The following CUL7 variants were observed in gnomAD, a reference collection of about 807,000 sequenced individuals.
The protein encoded by CUL7 is cullin-7.
In CUL7, 96 loss-of-function variants were observed where a neutral mutation model predicts 177.7. That is an observed-to-expected ratio of 0.54 (90% CI 0.46 to 0.64). CUL7 has a LOEUF of 0.64. Ranked by LOEUF, CUL7 falls within the 30% of genes least tolerant of loss-of-function variation. The pLI is 0.00. For missense variants in CUL7, 1,893 were observed against 2,187.9 expected (o/e 0.87, Z 2.69); for synonymous variants, 824 against 890.2 (o/e 0.93, Z 1.32).
Position 43,040,689 on chromosome 6 carries a change from C to T in CUL7, c.3864G>A (p.Val1288=). ...GVVSSWLEGA[V]LEQIGPCFPN... ...GGAAGCAGGGACCGATCTGCTCCAG[C>T]ACGGCCCCCTCCAGCCAGCTCGAGA... Residue 1288 remains valine (V), a synonymous_variant, in exon 21 of 26, where the codon GTG becomes GTA. Coordinates refer to ENST00000265348, the MANE Select transcript of CUL7 (RefSeq NM_014780.5). The surrounding 1 kb of genome is among the most constrained non-coding windows in gnomAD (Gnocchi z 4.2). 6.2e-7 allele frequency: 1 copy of T among 1,614,196 alleles called. No individual in the cohort carries two copies. Among genetic ancestry groups the T allele is most frequent in the Non-Finnish European group, 8.5e-7 (1 of 1,180,048 alleles).
Position 43,053,797 on chromosome 6 carries a change from A to G in CUL7, c.-184T>C. On this transcript the variant is annotated 5_prime_UTR_variant, in exon 1 of 26. Transcript: ENST00000265348. The surrounding 1 kb of genome is among the most constrained non-coding windows in gnomAD (Gnocchi z 4.1). ...GCTGCACCCGCGTGAGTCGGCAGCC[A>G]CTGGGGCAGGGTGGGGCCCGGTCCC... 6.5e-7 allele frequency: 1 copy of G among 1,532,364 alleles called. No individual in the cohort carries two copies. Among genetic ancestry groups the G allele is most frequent in the Non-Finnish European group, 8.7e-7 (1 of 1,145,888 alleles). The allele number at this position is 1,532,364 out of a possible 1,614,324, so 94.9% of individuals were successfully genotyped here. A position where few individuals can be genotyped will look rare whatever the true frequency, so the allele number is the denominator to read the frequency against.
Position 43,050,014 on chromosome 6 carries a change from T to G in CUL7, c.1518A>C (p.Gly506=). 1 of 1,614,126 alleles carries G rather than the reference T, an allele frequency of 6.2e-7. No homozygotes were observed. The highest frequency in any genetic ancestry group is 8.5e-7 in the Non-Finnish European group (1 of 1,180,012). The stretch of plus-strand genomic sequence containing the variant: ...TCTGGAGAACCTCCTGATGGTCAGG[T>G]CCATCCAGCTTCTTGATGAAGAAGA... ...ELLFFIKKLD[G]PDHQEVLQIL... Residue 506 remains glycine (G), a synonymous_variant, in exon 6 of 26, where the codon GGA becomes GGC. Transcript: ENST00000265348. The surrounding 1 kb of genome is among the most constrained non-coding windows in gnomAD (Gnocchi z 4.1).
chr6:43,038,220 C>T (rs749562918), intron 25 of CUL7, 47 bp downstream of exon 25: 10 of 1,603,566 alleles, frequency 6.2e-6, no homozygotes, highest in Non-Finnish European at 8.5e-6. Context: ...GACTGCTCCC[C>T]CAACCCCAGC....
rs949524765 is a variant in CUL7 at position 43,049,763 on chromosome 6, C to T, written c.1570-101G>A. ...GGGGTCTCTCTGCACACATACCCTC[C>T]ATCCTGATCCTCTCACAGCTGGCAG... On this transcript the variant is annotated intron_variant, in intron 6 of 25. Transcript: ENST00000265348. 1.2e-4 allele frequency: 183 copies of T among 1,501,616 alleles called. 1 individual carries two copies. In the African/African-American group the frequency reaches 2.2e-3, roughly 18 times the overall value. 93.0% of individuals were successfully genotyped at this position (1,501,616 alleles called of 1,614,324 possible).
In CUL7 at chr6:43,052,029, T is replaced by C. The variant is rs751154573; in HGVS notation, c.580+180A>G. 4.3e-6 allele frequency: 5 copies of C among 1,160,796 alleles called. No homozygotes were observed. The highest frequency in any genetic ancestry group is 6.0e-6 in the Non-Finnish European group (5 of 833,072). 71.9% of individuals were successfully genotyped at this position (1,160,796 alleles called of 1,614,324 possible). On this transcript the variant is annotated intron_variant, in intron 2 of 25. Coordinates refer to ENST00000265348, the MANE Select transcript of CUL7 (RefSeq NM_014780.5). The surrounding 1 kb of genome is among the most constrained non-coding windows in gnomAD (Gnocchi z 4.5). ...TTCTTGAAGATAGTCTTTCCTCTTT[T>C]GGCAGATAACCCCCACCCTCACTCC...
intron 12 of CUL7, 46 bp downstream of exon 12, chr6:43,046,190 C>T: frequency 1.2e-6 from 2 of 1,613,998 alleles, no homozygotes; most frequent in Non-Finnish European, 1.7e-6. Context: ...AGGGGCGTCA[C>T]AGGAAAGCAC....
At chr6:43,046,841 G>C (rs1165565958) in intron 10 of CUL7, 39 bp downstream of exon 10, 1 of 1,349,834 alleles carries the variant, frequency 7.4e-7, no homozygotes, top group Non-Finnish European at 1.1e-6. Flanking sequence ...TTCATATTCT[G>C]ATGCCACTCT....
chr6:43,039,012 CAA>C (rs1561872117), intron 22 of CUL7, 25 bp from the exon 23 acceptor site: 5 of 1,557,150 alleles, frequency 3.2e-6, no homozygotes, highest in Non-Finnish European at 1.8e-6. Flanking sequence ...GGGAGGGAGA[CAA>C]AGAGCAGGTG....
At chr6:43,049,332 A>C in intron 7 of CUL7, 75 bp downstream of exon 7, 1 of 1,602,018 alleles carries the variant, frequency 6.2e-7, no homozygotes, top group Non-Finnish European at 8.5e-7. Flanking sequence ...GGATTGCATA[A>C]AAATCAGCAC....
At chr6:43,049,811 C>A in intron 6 of CUL7, 149 bp from the exon 7 acceptor site, 3 of 1,350,176 alleles carry the variant, frequency 2.2e-6, no homozygotes, top group Non-Finnish European at 3.1e-6. Flanking sequence ...AAACAGCTCA[C>A]CCTCCCACCT....
intron 9 of CUL7, among the ~76,000 whole-genome samples, 153 bp from the exon 10 acceptor site, chr6:43,047,260 G>C (rs1234281016): frequency 1.3e-5 from 2 of 152,132 alleles, no homozygotes; most frequent in Non-Finnish European, 2.9e-5. Flanking sequence ...AGACAGGGAT[G>C]GGGAGACACA....
Position 43,046,284 on chromosome 6 carries a change from G to T in CUL7, c.2612C>A (p.Ala871Asp), listed in dbSNP as rs61732148. ...PKTYWESNGS[A>D]GSHYITLHMR... is the part of the protein sequence containing the mutation. Reference sequence around the variant, plus strand: ...GTGCAGGGTGATGTAGTGGGAGCCGGCGCTGCCGTTGGACTCCCAATAGGT... The same window carrying T: ...GTGCAGGGTGATGTAGTGGGAGCCGTCGCTGCCGTTGGACTCCCAATAGGT... Residue 871 changes from alanine (A) to aspartate (D), a missense_variant, in exon 12 of 26, where the codon GCC becomes GAC. Physicochemically the swap from Ala to Asp is moderately radical, Grantham distance 126 (BLOSUM62 -2). This residue lies in a region of CUL7 where 973 missense variants were observed against 1,140.9 expected (regional missense o/e 0.85). Coordinates refer to ENST00000265348, the MANE Select transcript of CUL7 (RefSeq NM_014780.5). The T allele has an allele frequency of 6.2e-7, 1 of 1,614,216 alleles. No individual in the cohort carries two copies. Among genetic ancestry groups the T allele is most frequent in the Non-Finnish European group, 8.5e-7 (1 of 1,180,048 alleles).
At chr6:43,042,764 G>A (rs373884848) in intron 19 of CUL7, 38 bp downstream of exon 19, 237 of 1,440,814 alleles carry the variant, frequency 1.6e-4, no homozygotes, top group Non-Finnish European at 2.1e-4. Flanking sequence ...AGAGTTTGTC[G>A]GAAGAGACCC....
Position 43,046,881 on chromosome 6 carries a change from TG to T in CUL7, c.2395del (p.Gln799ArgfsTer37). ...LITNILGGCI[Q>X]MVLGQIEDHR... ...CCACAAGCTCCCCTTCCTCCTGACC[TG>T]GATGCAGCCTCCCAGGATGTTGGTG... On this transcript the variant is annotated frameshift_variant and splice_region_variant, in exon 10 of 26. Transcript: ENST00000265348. LOFTEE classifies it high-confidence loss of function. 1 of 1,588,022 alleles carries T rather than the reference TG, an allele frequency of 6.3e-7. No individual in the cohort carries two copies. The highest frequency in any genetic ancestry group is 8.6e-7 in the Non-Finnish European group (1 of 1,156,212).
In CUL7 at chr6:43,043,206, G is replaced by A. The variant is rs200399545; in HGVS notation, c.3356-26C>T. On this transcript the variant is annotated intron_variant, in intron 17 of 25. Transcript: ENST00000265348. This position sits in a 1 kb window ranked among gnomAD's most constrained non-coding sequence, Gnocchi z 4.2. ...CTGTAGAGACCAAGAAAGTGGCAGA[G>A]GCAAGGAGGGTGCAGCCCCTCCACT... 1.0e-4 allele frequency: 159 copies of A among 1,580,962 alleles called. No individual in the cohort carries two copies. The African/African-American group carries it at 2.0e-3, about 20-fold the overall frequency.
Position 43,053,745 on chromosome 6 carries a change from G to A in CUL7, c.-132C>T. 2.0e-6 allele frequency: 3 copies of A among 1,494,110 alleles called. No homozygotes were observed. The highest frequency in any genetic ancestry group is 2.7e-6 in the Non-Finnish European group (3 of 1,124,368). The allele number at this position is 1,494,110 out of a possible 1,614,324, so 92.6% of individuals were successfully genotyped here. ...GCGAGGGGGTCGAGACGGAGAGACGGGAGGGGGCGTGCCTCCGCGGAACAG... is the reference window on the plus strand; with the variant it reads ...GCGAGGGGGTCGAGACGGAGAGACGAGAGGGGGCGTGCCTCCGCGGAACAG... On this transcript the variant is annotated 5_prime_UTR_variant, in exon 1 of 26. Transcript: ENST00000265348. This position sits in a 1 kb window ranked among gnomAD's most constrained non-coding sequence, Gnocchi z 4.1.
Position 43,052,307 on chromosome 6 carries a change from C to T in CUL7, c.482G>A (p.Arg161Lys). The change falls in exon 2 of 26, where the codon AGG (arginine) becomes AAG (lysine). Residue 161 changes from arginine (R) to lysine (K), a missense_variant. Arg to Lys is a conservative substitution (Grantham distance 26). Around this residue, in one of 5 missense-constraint regions of CUL7, gnomAD observed 653 missense variants for 725.2 expected, o/e 0.90. Coordinates refer to ENST00000265348, the MANE Select transcript of CUL7 (RefSeq NM_014780.5). The surrounding 1 kb of genome is among the most constrained non-coding windows in gnomAD (Gnocchi z 4.5). ...EPLTGVFKDP[R>K]VLDLLMHMLS... ...CATGTGCATGAGCAAGTCCAGGACCCTTGGGTCCTTGAATACTCCAGTGAG... is the reference window on the plus strand; with the variant it reads ...CATGTGCATGAGCAAGTCCAGGACCTTTGGGTCCTTGAATACTCCAGTGAG... 6.2e-7 allele frequency: 1 copy of T among 1,614,242 alleles called. No homozygotes were observed. The highest frequency in any genetic ancestry group is 8.5e-7 in the Non-Finnish European group (1 of 1,180,040).
At chr6:43,039,053 G>C in intron 22 of CUL7, 66 bp from the exon 23 acceptor site, 1 of 1,044,126 alleles carries the variant, frequency 9.6e-7, no homozygotes, top group Non-Finnish European at 1.5e-6. Context: ...TGGAGGGAGG[G>C]TGCACGCTGG....
chr6:43,038,565 C>A lies in CUL7; in HGVS notation c.4567+1G>T. 3 of 1,614,100 alleles carry A rather than the reference C, an allele frequency of 1.9e-6. No homozygotes were observed. Among genetic ancestry groups the A allele is most frequent in the Non-Finnish European group, 2.5e-6 (3 of 1,180,016 alleles). On this transcript the variant is annotated splice_donor_variant, in intron 24 of 25. Coordinates refer to ENST00000265348, the MANE Select transcript of CUL7 (RefSeq NM_014780.5). LOFTEE classifies it high-confidence loss of function. ...AGGCCCCTCTGGCCCTAAGTGCATA[C>A]CTCCTGGTATATCCTTTTGCTCGTG...
Sources: gnomAD v4.1 joint callset for allele counts (sites outside exome capture counted in the v4.1 genomes callset) on GRCh38, gnomAD v4.1.1 for gene constraint, gnomAD v4.1.1 regional missense constraint, Gnocchi (gnomAD v3.1) non-coding constraint, MANE v1.5 for transcripts, NCBI Gene and HGNC (gene_info 2026-07-23, HGNC 2026-07-21) for gene names.